Variants in GRIK4 observed in about 807,000 individuals in gnomAD.
GRIK4 encodes the protein glutamate ionotropic receptor kainate type subunit 4.
Under a neutral mutation model 104.9 loss-of-function variants are expected in GRIK4, and 40 were observed. The ratio of observed to expected loss-of-function variants is 0.38; its 90% confidence interval spans 0.30 to 0.50. GRIK4 has a LOEUF of 0.50. GRIK4 is among the 20% of genes least tolerant of loss of function. GRIK4 has a pLI of 0.93. For missense variants in GRIK4, 1,047 were observed against 1,308.1 expected, an observed-to-expected ratio of 0.80 and a Z score of 3.08; for synonymous variants, 485 against 524.9, an observed-to-expected ratio of 0.92 and a Z score of 1.04.
At chr11:120,592,742 C>T (rs993125509) in intron 1 of GRIK4, among the ~76,000 whole-genome samples, 10 of 152,194 alleles carry the variant, frequency 6.6e-5, no homozygotes, top group South Asian at 4.2e-4. Flanking sequence ...TCTGCAAGCC[C>T]GCCTGACCTC....
At chr11:120,872,331 G>A (rs966131835) in intron 9 of GRIK4, 2 of 210,554 alleles carry the variant, frequency 9.5e-6, no homozygotes, top group East Asian at 1.2e-4. Context: ...CTCTTTCCTC[G>A]ACACCTCACT....
chr11:120,871,386 A>C, intron 9 of GRIK4: 3 of 349,288 alleles, frequency 8.6e-6, no homozygotes, highest in South Asian at 6.8e-5. Flanking sequence ...ATTACCATGC[A>C]GGGCGAATCA....
intron 3 of GRIK4, among the ~76,000 whole-genome samples, chr11:120,706,157 A>C (rs1260395451): frequency 6.6e-6 from 1 of 152,106 alleles, no homozygotes; most frequent in Non-Finnish European, 1.5e-5. Flanking sequence ...TATTTGCAGG[A>C]GTTTGATGGT....
intron 1 of GRIK4, among the ~76,000 whole-genome samples, chr11:120,641,384 A>G (rs888044609): frequency 6.6e-6 from 1 of 152,130 alleles, no homozygotes; most frequent in Non-Finnish European, 1.5e-5. Flanking sequence ...AAAAAAAAAA[A>G]AACAACTAAA....
intron 6 of GRIK4, among the ~76,000 whole-genome samples, chr11:120,828,838 G>C (rs1177914297): frequency 6.6e-6 from 1 of 152,178 alleles, no homozygotes; most frequent in Non-Finnish European, 1.5e-5. Flanking sequence ...ACTCTCCAAG[G>C]GGTAGCAGGC....
intron 8 of GRIK4, among the ~76,000 whole-genome samples, chr11:120,857,783 A>G (rs1954150467): frequency 6.6e-6 from 1 of 152,204 alleles, no homozygotes; most frequent in Non-Finnish European, 1.5e-5. Context: ...GCTTTTAGGT[A>G]CCAAGCACTC....
chr11:120,707,053 CT>C (rs914894061), intron 3 of GRIK4, among the ~76,000 whole-genome samples: 4 of 152,302 alleles, frequency 2.6e-5, no homozygotes, highest in East Asian at 3.9e-4. Flanking sequence ...CACACAGAGC[CT>C]TTTTGTTTTC....
chr11:120,800,527 A>G (rs565672252), intron 3 of GRIK4, among the ~76,000 whole-genome samples: 7 of 152,238 alleles, frequency 4.6e-5, no homozygotes, highest in African/African-American at 1.4e-4. Flanking sequence ...TGCTCTGGTC[A>G]CTTCTGCGGG....
chr11:120,767,678 C>T (rs1257268282), intron 3 of GRIK4, among the ~76,000 whole-genome samples: 8 of 152,134 alleles, frequency 5.3e-5, no homozygotes, highest in African/African-American at 7.2e-5. Flanking sequence ...CTTATGGTTT[C>T]AGGTCTTACA....
intron 3 of GRIK4, among the ~76,000 whole-genome samples, chr11:120,738,381 T>A (rs910231500): frequency 2.6e-5 from 4 of 152,138 alleles, no homozygotes; most frequent in African/African-American, 9.7e-5. Flanking sequence ...AAGGGAACCT[T>A]GAGTGATGCA....
At chr11:120,787,185 G>A (rs1952296879) in intron 3 of GRIK4, among the ~76,000 whole-genome samples, 1 of 151,418 alleles carries the variant, frequency 6.6e-6, no homozygotes, top group African/African-American at 2.4e-5. Flanking sequence ...ACGAAAATTA[G>A]CCAGTCATGG....
chr11:120,790,741 A>G (rs1203691000), intron 3 of GRIK4, among the ~76,000 whole-genome samples: 1 of 152,190 alleles, frequency 6.6e-6, no homozygotes, highest in East Asian at 1.9e-4. Flanking sequence ...ATATTGCAAA[A>G]GAAAGCAAGG....
chr11:120,875,052 T>A, intron 10 of GRIK4, 87 bp from the exon 11 acceptor site: 1 of 848,900 alleles, frequency 1.2e-6, no homozygotes, highest in Non-Finnish European at 2.0e-6. Context: ...CTGGGCATCC[T>A]TAAATAGCCC....
chr11:120,821,963 A>C (rs1264163560), intron 6 of GRIK4, among the ~76,000 whole-genome samples: 1 of 152,134 alleles, frequency 6.6e-6, no homozygotes, highest in Non-Finnish European at 1.5e-5. Flanking sequence ...TAATCCCAAC[A>C]CTTTGGAAGG....
intron 3 of GRIK4, among the ~76,000 whole-genome samples, chr11:120,691,639 G>A (rs1438641747): frequency 1.3e-5 from 2 of 152,190 alleles, no homozygotes; most frequent in South Asian, 2.1e-4. Flanking sequence ...TGTAAGAGTA[G>A]CATTTAGGTG....
At chr11:120,621,997 T>C (rs1424534293) in intron 1 of GRIK4, among the ~76,000 whole-genome samples, 1 of 151,850 alleles carries the variant, frequency 6.6e-6, no homozygotes, top group Non-Finnish European at 1.5e-5. Flanking sequence ...ACCTCCTGGG[T>C]TCAAGCGATT....
At chr11:120,708,800 T>C (rs1950673747) in intron 3 of GRIK4, among the ~76,000 whole-genome samples, 8 of 152,224 alleles carry the variant, frequency 5.3e-5, no homozygotes, top group Admixed American at 5.2e-4. Context: ...GCCCTGCTGC[T>C]GGGAGGCCAG....
rs145641056 is a variant in GRIK4, at chr11:120,802,770, C to T, written c.160C>T (p.Arg54Cys). 105 of 1,614,104 alleles carry T rather than the reference C, an allele frequency of 6.5e-5. No homozygotes were observed. The highest frequency in any genetic ancestry group is 8.4e-5 in the Non-Finnish European group (99 of 1,179,940). Residue 54 changes from arginine to cysteine, a missense_variant, in exon 4 of 21, where the codon CGC becomes TGC. By Grantham distance (180) the Arg-to-Cys change is radical. Coordinates refer to ENST00000527524, the MANE Select transcript of GRIK4 (RefSeq NM_014619.5). ...CACCCTGGCCAAGAACCGCATCAACCGCGCTCCTGAGAGGCTGGGCAAGGC... is the reference window on the plus strand; with the variant it reads ...CACCCTGGCCAAGAACCGCATCAACTGCGCTCCTGAGAGGCTGGGCAAGGC... ...SITLAKNRIN[R>C]APERLGKAKV...
intron 7 of GRIK4, among the ~76,000 whole-genome samples, chr11:120,833,185 C>G (rs1208098687): frequency 2.0e-5 from 3 of 152,016 alleles, no homozygotes; most frequent in Non-Finnish European, 4.4e-5. Context: ...CCCTTCAGCC[C>G]GTTGCTATAG....
Sources: gnomAD v4.1 joint callset for allele counts (sites outside exome capture counted in the v4.1 genomes callset) on GRCh38, gnomAD v4.1.1 for gene constraint, MANE v1.5 for transcripts, NCBI Gene and HGNC (gene_info 2026-07-23, HGNC 2026-07-21) for gene names.